Variants in LHFPL2 observed in about 807,000 individuals in gnomAD.
LHFPL2 encodes the protein LHFPL tetraspan subfamily member 2 protein.
Under a neutral mutation model 17.5 loss-of-function variants are expected in LHFPL2, and 7 were observed. The ratio of observed to expected loss-of-function variants is 0.40; its 90% CI spans 0.23 to 0.75. The LOEUF (loss-of-function observed/expected upper bound fraction) is 0.75. Ranked by LOEUF, LHFPL2 falls within the 30% of genes least tolerant of loss-of-function variation. The pLI is 0.37. For synonymous variants in LHFPL2, 134 were observed against 116.2 expected (o/e 1.15, Z -0.99); for missense variants, 241 against 294.8 (o/e 0.82, Z 1.34).
At chr5:78,645,227 C>CTTTGAAAACAGAGGTGTATGGGT (rs1745822172) in intron 1 of LHFPL2, among the ~76,000 whole-genome samples, 1 of 151,664 alleles carries the variant, frequency 6.6e-6, no homozygotes, top group Non-Finnish European at 1.5e-5. Flanking sequence ...TATGGAAGTC[C>CTTTGAAAACAGAGGTGTATGGGT]TTTGAAAACA....
chr5:78,550,861 G>A (rs1215389581), intron 3 of LHFPL2, among the ~76,000 whole-genome samples: 1 of 152,194 alleles, frequency 6.6e-6, no homozygotes, highest in Non-Finnish European at 1.5e-5. Context: ...GTCAGTCACC[G>A]TGCCCAGCCA....
intron 3 of LHFPL2, among the ~76,000 whole-genome samples, chr5:78,547,980 T>A (rs1756334002): frequency 6.6e-6 from 1 of 152,212 alleles, no homozygotes; most frequent in Admixed American, 6.5e-5. Context: ...GCTGGAAGAC[T>A]CCCAGCCTGA....
At chr5:78,589,572 T>A (rs1037014093) in intron 2 of LHFPL2, among the ~76,000 whole-genome samples, 1 of 152,068 alleles carries the variant, frequency 6.6e-6, no homozygotes, top group African/African-American at 2.4e-5. Flanking sequence ...GTGAGGACAG[T>A]TCAAATGGTG....
chr5:78,526,975 G>C (rs1471163381), intron 3 of LHFPL2, among the ~76,000 whole-genome samples: 2 of 152,170 alleles, frequency 1.3e-5, no homozygotes, highest in African/African-American at 2.4e-5. Context: ...GGTAGTTGAG[G>C]TTAGAAATTT....
At chr5:78,596,748 C>T (rs1743838984) in intron 2 of LHFPL2, among the ~76,000 whole-genome samples, 1 of 152,172 alleles carries the variant, frequency 6.6e-6, no homozygotes, top group African/African-American at 2.4e-5. Context: ...AAATGCTGCC[C>T]AAAGCCCAGC....
Position 78,555,273 on chromosome 5 carries a change from T to C in LHFPL2, c.-186+9540A>G, listed in dbSNP as rs141021715. ...CAAGCAAGGAGGTAAAAACTTAATT[T>C]CTATAAATGGTAAATTAATAGGTGA... On this transcript the variant is annotated intron_variant, in intron 3 of 4. Coordinates refer to ENST00000380345, the MANE Select transcript of LHFPL2 (RefSeq NM_005779.3). 1.4e-3 allele frequency among the ~76,000 whole-genome samples: 216 copies of C among 152,380 alleles called. 1 individual carries two copies. Among genetic ancestry groups the C allele is most frequent in the Non-Finnish European group, 2.7e-3 (186 of 68,036 alleles).
chr5:78,493,247 AAGCTACCTGTCTG>A (rs1307914569), intron 4 of LHFPL2, among the ~76,000 whole-genome samples: 2 of 152,140 alleles, frequency 1.3e-5, no homozygotes, highest in Non-Finnish European at 2.9e-5. Context: ...GTGGGAAGCA[AAGCTACCTGTCTG>A]AGCCCAGCCT....
chr5:78,534,992 G>C (rs1755902719), intron 3 of LHFPL2, among the ~76,000 whole-genome samples: 1 of 152,180 alleles, frequency 6.6e-6, no homozygotes, highest in South Asian at 2.1e-4. Context: ...AGCTTTAATG[G>C]CATTTTGTCA....
At chr5:78,516,384 T>C (rs1261592330) in intron 3 of LHFPL2, among the ~76,000 whole-genome samples, 1 of 152,212 alleles carries the variant, frequency 6.6e-6, no homozygotes, top group African/African-American at 2.4e-5. Context: ...GGGGCAATTC[T>C]GTCCCCACAC....
chr5:78,550,425 T>TCTCA (rs1580799321), intron 3 of LHFPL2, among the ~76,000 whole-genome samples: 2 of 152,238 alleles, frequency 1.3e-5, no homozygotes, highest in South Asian at 4.1e-4. Flanking sequence ...TCAAGAGCAG[T>TCTCA]CTCAATTCAG....
At chr5:78,552,229 G>A (rs1410417037) in intron 3 of LHFPL2, among the ~76,000 whole-genome samples, 1 of 151,566 alleles carries the variant, frequency 6.6e-6, no homozygotes, top group Non-Finnish European at 1.5e-5. Context: ...CGCCTCCCAG[G>A]TTCATGCCAT....
chr5:78,494,634 GGTCA>G (rs1363118151), intron 4 of LHFPL2: 1 of 414,928 alleles, frequency 2.4e-6, no homozygotes, highest in Non-Finnish European at 3.2e-6. Flanking sequence ...CCTCACCGAT[GGTCA>G]TGGTATTGTA....
At chr5:78,615,727 T>C (rs958330999) in intron 2 of LHFPL2, among the ~76,000 whole-genome samples, 8 of 152,290 alleles carry the variant, frequency 5.3e-5, no homozygotes, top group African/African-American at 1.9e-4. Flanking sequence ...CTGGGACTAG[T>C]AAGAACCTAT....
At chr5:78,645,590 AC>A (rs1267602676) in intron 1 of LHFPL2, among the ~76,000 whole-genome samples, 3 of 126,354 alleles carry the variant, frequency 2.4e-5, no homozygotes, top group South Asian at 5.4e-4. Flanking sequence ...ACACACACAC[AC>A]ATTTTTTTTG....
chr5:78,643,390 A>G (rs918298142), intron 1 of LHFPL2, among the ~76,000 whole-genome samples: 1 of 152,230 alleles, frequency 6.6e-6, no homozygotes, highest in African/African-American at 2.4e-5. Flanking sequence ...AATGCCAGCT[A>G]AGACTCTTCT....
Position 78,510,329 on chromosome 5 carries a change from A to C in LHFPL2, c.-116T>G, listed in dbSNP as rs1182072730. ...AAGGAAGTCGCAGCTGCAGTCATTC[A>C]CTCCCGCCGCCGGCCGCGTTCATGC... On this transcript the variant is annotated 5_prime_UTR_variant, in exon 4 of 5. Coordinates refer to ENST00000380345, the MANE Select transcript of LHFPL2 (RefSeq NM_005779.3). 9.7e-7 allele frequency: 1 copy of C among 1,031,658 alleles called. No individual in the cohort carries two copies. Among genetic ancestry groups the C allele is most frequent in the Non-Finnish European group, 1.4e-6 (1 of 722,078 alleles). 63.9% of individuals were successfully genotyped at this position (1,031,658 alleles called of 1,614,324 possible).
chr5:78,520,931 T>C (rs1755439630), intron 3 of LHFPL2, among the ~76,000 whole-genome samples: 1 of 152,246 alleles, frequency 6.6e-6, no homozygotes. Flanking sequence ...TTTTCCTTCC[T>C]GTTTCAGACA....
At chr5:78,627,630 C>T (rs1254087208) in intron 2 of LHFPL2, among the ~76,000 whole-genome samples, 5 of 152,180 alleles carry the variant, frequency 3.3e-5, no homozygotes, top group Non-Finnish European at 5.9e-5. Flanking sequence ...GTCACAGGAC[C>T]TCTCTTTGCC....
chr5:78,535,987 C>T (rs1755939816), intron 3 of LHFPL2, among the ~76,000 whole-genome samples: 1 of 152,172 alleles, frequency 6.6e-6, no homozygotes, highest in South Asian at 2.1e-4. Context: ...AGTCACATGG[C>T]GTGTGGGACA....
Sources: allele counts gnomAD v4.1 joint callset (sites outside exome capture counted in the v4.1 genomes callset), GRCh38; gene constraint gnomAD v4.1.1; transcripts MANE v1.5; gene names NCBI Gene and HGNC (gene_info 2026-07-23, HGNC 2026-07-21).